The following LRRC63 variants were observed in gnomAD, a reference collection of about 807,000 sequenced individuals.
LRRC63 encodes leucine rich repeat containing 63.
Under a neutral mutation model 49.5 loss-of-function variants are expected in LRRC63, and 40 were observed. The ratio of observed to expected loss-of-function variants is 0.81; its 90% CI spans 0.63 to 1.05. The LOEUF is 1.05. Ranked by LOEUF, LRRC63 falls within the 50% of genes least tolerant of loss-of-function variation. LRRC63 has a pLI of 0.00. For synonymous variants in LRRC63, 191 were observed against 221.1 expected (o/e 0.86, Z 1.21); for missense variants, 636 against 663.1 (o/e 0.96, Z 0.45).
intron 4 of LRRC63, among the ~76,000 whole-genome samples, chr13:46,233,848 T>TAA (rs1443687597): frequency 6.6e-6 from 1 of 152,220 alleles, no homozygotes; most frequent in Non-Finnish European, 1.5e-5. Context: ...CAAGAAGTTC[T>TAA]TTATGTAATT....
intron 7 of LRRC63, among the ~76,000 whole-genome samples, chr13:46,260,010 G>T (rs980295656): frequency 1.3e-5 from 2 of 152,148 alleles, no homozygotes; most frequent in African/African-American, 2.4e-5. Flanking sequence ...GATAGATTTG[G>T]TACTGGTGGG....
chr13:46,218,665 G>A (rs2046322278), intron 2 of LRRC63, among the ~76,000 whole-genome samples: 1 of 152,060 alleles, frequency 6.6e-6, no homozygotes, highest in Non-Finnish European at 1.5e-5. Context: ...TGGTTATTTT[G>A]CCCTTTAGTT....
At chr13:46,246,549 C>G in exon 6 of LRRC63, 3 of 1,456,408 alleles carry the variant, frequency 2.1e-6, no homozygotes, top group South Asian at 1.5e-5. Context: ...CTAAATTGTC[C>G]AGACTTAACA....
chr13:46,227,750 AT>A lies in LRRC63; in HGVS notation c.330del (p.Pro111HisfsTer27), dbSNP rs2046618548. The A allele has an allele frequency of 3.2e-6, 5 of 1,550,396 alleles. No homozygotes were observed. The African/African-American group carries it at 6.8e-5, about 21-fold the overall frequency. ...TTCCAGATACTGCTACTGGTTCCAT[AT>A]TTTTTCCACATTGTAATTCAGCTTC... On this transcript the variant is annotated frameshift_variant, in exon 3 of 10. Coordinates refer to ENST00000595396, the Ensembl canonical transcript of LRRC63. LOFTEE classifies it high-confidence loss of function.
intron 2 of LRRC63, among the ~76,000 whole-genome samples, chr13:46,219,578 C>G (rs564666612): frequency 6.6e-6 from 1 of 152,294 alleles, no homozygotes; most frequent in South Asian, 2.1e-4. Flanking sequence ...TTATTATTAT[C>G]CACCTTCTGA....
At chr13:46,276,457 A>G in intron 9 of LRRC63, 133 bp from the exon 10 acceptor site, 1 of 403,856 alleles carries the variant, frequency 2.5e-6, no homozygotes. Flanking sequence ...CTTTCACTTA[A>G]TGGGTAGCAC....
At chr13:46,262,676 G>A (rs2047631906) in intron 8 of LRRC63, among the ~76,000 whole-genome samples, 1 of 151,588 alleles carries the variant, frequency 6.6e-6, no homozygotes, top group Admixed American at 6.6e-5. Context: ...CTTGTTTTAT[G>A]TTCTTCATAG....
In LRRC63 at chr13:46,245,345, CGA is replaced by C. The variant is rs2047185075; in HGVS notation, c.991-1181_991-1180del. Among the ~76,000 whole-genome samples the C allele has an allele frequency of 4.6e-5, 7 of 152,182 alleles. No individual in the cohort carries two copies. In the South Asian group the frequency reaches 1.5e-3, roughly 32 times the overall value. ...TATAGAAGATCTGAAATAACTCCAG[CGA>C]CTAACTTGACCTAATTAACATTTAT... On this transcript the variant is annotated intron_variant, in intron 5 of 9. Transcript: ENST00000595396.
chr13:46,257,811 G>T (rs1159527912), intron 7 of LRRC63, among the ~76,000 whole-genome samples: 1 of 152,056 alleles, frequency 6.6e-6, no homozygotes, highest in Non-Finnish European at 1.5e-5. Flanking sequence ...ATAGAAAAAT[G>T]GTTGTTTATT....
chr13:46,217,314 G>C (rs1016899793), intron 2 of LRRC63, among the ~76,000 whole-genome samples: 1 of 152,066 alleles, frequency 6.6e-6, no homozygotes, highest in Non-Finnish European at 1.5e-5. Context: ...TCAGGGACTC[G>C]ACTTCTTCCT....
At chr13:46,226,147 C>A (rs185662654) in intron 2 of LRRC63, among the ~76,000 whole-genome samples, 1 of 151,662 alleles carries the variant, frequency 6.6e-6, no homozygotes, top group Admixed American at 6.6e-5. Context: ...CCACACTTGG[C>A]TAATTATTTT....
chr13:46,250,853 G>A (rs1325322), intron 7 of LRRC63, among the ~76,000 whole-genome samples: 46,662 of 151,624 alleles, frequency 0.31, 7,368 homozygotes, highest in East Asian at 0.38. Context: ...TGACTTTAAA[G>A]TTGATGATAA....
chr13:46,224,773 T>G (rs146067925), intron 2 of LRRC63, among the ~76,000 whole-genome samples: 1 of 152,326 alleles, frequency 6.6e-6, no homozygotes, highest in Non-Finnish European at 1.5e-5. Flanking sequence ...GGTAGGGCAC[T>G]TTGGCTTTGA....
At chr13:46,247,000 G>A (rs564141659) in intron 6 of LRRC63, among the ~76,000 whole-genome samples, 3 of 152,164 alleles carry the variant, frequency 2.0e-5, no homozygotes, top group East Asian at 1.9e-4. Flanking sequence ...ATTACCAAAC[G>A]ATAAAATATA....
chr13:46,234,403 C>A, intron 5 of LRRC63, 54 bp downstream of exon 5: 1 of 1,498,130 alleles, frequency 6.7e-7, no homozygotes. Flanking sequence ...ATTATTTTTG[C>A]TTTAAATTTC....
intron 1 of LRRC63, among the ~76,000 whole-genome samples, 166 bp downstream of exon 1, chr13:46,212,425 G>A (rs1004759593): frequency 3.9e-5 from 6 of 152,144 alleles, no homozygotes; most frequent in Non-Finnish European, 8.8e-5. Flanking sequence ...CAGCAGCCCT[G>A]GGAAATCTCA....
intron 2 of LRRC63, among the ~76,000 whole-genome samples, chr13:46,226,439 G>A (rs931591225): frequency 2.0e-5 from 3 of 152,214 alleles, no homozygotes; most frequent in Non-Finnish European, 2.9e-5. Context: ...AAGTCAAGTA[G>A]TTAAAATGAT....
At chr13:46,224,794 A>G (rs975599411) in intron 2 of LRRC63, among the ~76,000 whole-genome samples, 2 of 152,184 alleles carry the variant, frequency 1.3e-5, no homozygotes, top group Non-Finnish European at 2.9e-5. Context: ...TTCTGAGTAC[A>G]TGTAGTAGTG....
chr13:46,245,915 T>C (rs1003075675), intron 5 of LRRC63, among the ~76,000 whole-genome samples: 6 of 152,334 alleles, frequency 3.9e-5, no homozygotes, highest in South Asian at 2.1e-4. Flanking sequence ...CATACAGAAA[T>C]ACTTAGTCTG....
Sources: allele counts gnomAD v4.1 joint callset (sites outside exome capture counted in the v4.1 genomes callset), GRCh38; gene constraint gnomAD v4.1.1; transcripts MANE v1.5; gene names NCBI Gene and HGNC (gene_info 2026-07-23, HGNC 2026-07-21).